Variants in IGF2BP2 observed in about 807,000 individuals in gnomAD.
IGF2BP2 encodes insulin like growth factor 2 mRNA binding protein 2.
In IGF2BP2, 17 loss-of-function variants were observed where a neutral mutation model predicts 75.8. That is an observed-to-expected ratio of 0.22 (90% CI 0.15 to 0.34). IGF2BP2 has a LOEUF of 0.34. Ranked by LOEUF, IGF2BP2 falls within the 10% of genes least tolerant of loss-of-function variation. The pLI is 1.00. For missense variants in IGF2BP2, 516 were observed against 772.4 expected (o/e 0.67, Z 3.93); for synonymous variants, 288 against 295.6 (o/e 0.97, Z 0.26).
chr3:185,711,434 C>T (rs746051784), intron 2 of IGF2BP2, among the ~76,000 whole-genome samples: 2 of 152,172 alleles, frequency 1.3e-5, no homozygotes, highest in Non-Finnish European at 1.5e-5. Flanking sequence ...GAATTCCTTC[C>T]AGCGGCTGAT....
chr3:185,672,640 G>A lies in IGF2BP2; in HGVS notation c.1101C>T (p.Asn367=). 1.2e-6 allele frequency: 2 copies of A among 1,614,144 alleles called. No individual in the cohort carries two copies. Among genetic ancestry groups the A allele is most frequent in the Non-Finnish European group, 1.7e-6 (2 of 1,180,010 alleles). ...TTGAAAAGATGCCAAGTGCGCTGAGGTTCAACCCTGGGATCAGATTGGCTT... is the reference window on the plus strand; with the variant it reads ...TTGAAAAGATGCCAAGTGCGCTGAGATTCAACCCTGGGATCAGATTGGCTT... The part of the protein sequence containing the change: ...NQQANLIPGL[N]LSALGIFSTG... Residue 367 remains asparagine (N), a synonymous_variant, in exon 10 of 16, where the codon AAC becomes AAT. Transcript: ENST00000382199.
chr3:185,823,341 G>C (rs1741611120), intron 1 of IGF2BP2, 128 bp from the exon 2 acceptor site: 3 of 571,072 alleles, frequency 5.3e-6, no homozygotes, highest in African/African-American at 3.9e-5. Flanking sequence ...CTCCTACCCG[G>C]ATCGAGCTGG....
chr3:185,818,260 A>T (rs1246411841), intron 2 of IGF2BP2, among the ~76,000 whole-genome samples: 3 of 152,166 alleles, frequency 2.0e-5, no homozygotes, highest in Non-Finnish European at 4.4e-5. Flanking sequence ...GCCTTCACAG[A>T]ATCTTTTGTG....
chr3:185,658,033 G>C (rs994873198), intron 11 of IGF2BP2, among the ~76,000 whole-genome samples: 4 of 152,158 alleles, frequency 2.6e-5, no homozygotes, highest in Admixed American at 2.6e-4. Context: ...TGGAAACTCT[G>C]CTATTCAGTG....
At chr3:185,759,754 G>C (rs1261566283) in intron 2 of IGF2BP2, among the ~76,000 whole-genome samples, 1 of 152,216 alleles carries the variant, frequency 6.6e-6, no homozygotes, top group Non-Finnish European at 1.5e-5. Flanking sequence ...AATGAGACAA[G>C]TGCTGCAAAT....
At chr3:185,816,910 C>T (rs1740689986) in intron 2 of IGF2BP2, among the ~76,000 whole-genome samples, 1 of 152,130 alleles carries the variant, frequency 6.6e-6, no homozygotes, top group South Asian at 2.1e-4. Flanking sequence ...ATTCAAGCTT[C>T]CCACTACAGC....
In IGF2BP2 at chr3:185,645,806, T is replaced by TC. The variant is rs939153352; in HGVS notation, c.1708-184dup. Reference sequence around the variant, plus strand: ...TCTGCCTGGAAGTAAGTGGCAGAGGTCCCCCCTCCACTCCCACCCCAAGGT... The same window carrying TC: ...TCTGCCTGGAAGTAAGTGGCAGAGGTCCCCCCCTCCACTCCCACCCCAAGGT... On this transcript the variant is annotated intron_variant, in intron 15 of 15. Coordinates refer to ENST00000382199, the MANE Select transcript of IGF2BP2 (RefSeq NM_006548.6). This position sits in a 1 kb window ranked among gnomAD's most constrained non-coding sequence, Gnocchi z 4.9. Among the ~76,000 whole-genome samples, 1 of 150,184 alleles carries TC rather than the reference T, an allele frequency of 6.7e-6. No homozygotes were observed.
chr3:185,783,369 C>T (rs1002718288), intron 2 of IGF2BP2, among the ~76,000 whole-genome samples: 1 of 152,174 alleles, frequency 6.6e-6, no homozygotes, highest in African/African-American at 2.4e-5. Context: ...GGGAGCTCTG[C>T]ACAGGGGAAG....
intron 2 of IGF2BP2, among the ~76,000 whole-genome samples, chr3:185,743,105 TAAAC>T (rs764724845): frequency 1.3e-4 from 20 of 151,214 alleles, no homozygotes; most frequent in African/African-American, 2.9e-4. Context: ...TCTTAATAAA[TAAAC>T]AAACAAACAA....
At chr3:185,749,689 T>C (rs1730709052) in intron 2 of IGF2BP2, among the ~76,000 whole-genome samples, 1 of 152,232 alleles carries the variant, frequency 6.6e-6, no homozygotes, top group African/African-American at 2.4e-5. Flanking sequence ...AAACTTGTTT[T>C]ACTACCCAGT....
chr3:185,723,258 T>C (rs1726832407), intron 2 of IGF2BP2, among the ~76,000 whole-genome samples: 2 of 152,226 alleles, frequency 1.3e-5, no homozygotes, highest in South Asian at 2.1e-4. Context: ...AATCATGATA[T>C]TGATTTCTAT....
At chr3:185,785,779 C>A (rs919288883) in intron 2 of IGF2BP2, among the ~76,000 whole-genome samples, 1 of 152,186 alleles carries the variant, frequency 6.6e-6, no homozygotes, top group African/African-American at 2.4e-5. Context: ...GGCCATTGCA[C>A]CCCAGCCTGG....
At chr3:185,760,739 T>A (rs1732253993) in intron 2 of IGF2BP2, among the ~76,000 whole-genome samples, 1 of 152,078 alleles carries the variant, frequency 6.6e-6, no homozygotes, top group South Asian at 2.1e-4. Context: ...ATTCATGGAG[T>A]AAGATTCCCT....
chr3:185,800,260 T>C (rs745752665), intron 2 of IGF2BP2, among the ~76,000 whole-genome samples: 3 of 151,952 alleles, frequency 2.0e-5, no homozygotes, highest in Non-Finnish European at 4.4e-5. Flanking sequence ...GGGAACGTCA[T>C]AGACCGGGGC....
chr3:185,745,616 C>G (rs1418484180), intron 2 of IGF2BP2, among the ~76,000 whole-genome samples: 1 of 152,172 alleles, frequency 6.6e-6, no homozygotes, highest in African/African-American at 2.4e-5. Flanking sequence ...TGAGTCCAAC[C>G]GTCTTCTGTC....
intron 7 of IGF2BP2, among the ~76,000 whole-genome samples, chr3:185,684,461 G>C (rs904401819): frequency 2.0e-5 from 3 of 151,782 alleles, no homozygotes; most frequent in African/African-American, 7.3e-5. Flanking sequence ...CTGGAGTGCA[G>C]TGGCGCGATC....
At chr3:185,812,207 C>A (rs928634050) in intron 2 of IGF2BP2, among the ~76,000 whole-genome samples, 8 of 152,076 alleles carry the variant, frequency 5.3e-5, no homozygotes, top group African/African-American at 1.7e-4. Context: ...GGCTGCTCTG[C>A]CTCAAGAAGG....
At chr3:185,652,290 C>T (rs1714731730) in intron 12 of IGF2BP2, 122 bp from the exon 13 acceptor site, 9 of 730,204 alleles carry the variant, frequency 1.2e-5, no homozygotes, top group Admixed American at 5.4e-5. Flanking sequence ...GCCGTTACCC[C>T]TGGTTCTGTC....
At chr3:185,800,630 A>T (rs939956567) in intron 2 of IGF2BP2, among the ~76,000 whole-genome samples, 1 of 151,788 alleles carries the variant, frequency 6.6e-6, no homozygotes, top group Admixed American at 6.6e-5. Flanking sequence ...CCAGCTACTC[A>T]GGAGGTTGAG....
Sources: allele counts gnomAD v4.1 joint callset (sites outside exome capture counted in the v4.1 genomes callset), GRCh38; gene constraint gnomAD v4.1.1; non-coding constraint Gnocchi (gnomAD v3.1); transcripts MANE v1.5; gene names NCBI Gene and HGNC (gene_info 2026-07-23, HGNC 2026-07-21).